EIF4A2: variants seen among roughly 807,000 people sequenced by gnomAD.
The protein encoded by EIF4A2 is eukaryotic initiation factor 4A-II.
Under a neutral mutation model 50.6 loss-of-function variants are expected in EIF4A2, and 9 were observed. The ratio of observed to expected loss-of-function variants is 0.18; its 90% CI spans 0.11 to 0.31. The LOEUF (loss-of-function observed/expected upper bound fraction) is 0.31, where lower values mean the gene tolerates loss of function less well. Ranked by LOEUF, EIF4A2 falls within the 10% of genes least tolerant of loss-of-function variation. The probability of loss-of-function intolerance (pLI) is 1.00; values close to 1 mark genes in which losing one functional copy is unlikely to be tolerated. For synonymous variants in EIF4A2, 215 were observed against 164.4 expected, an observed-to-expected ratio of 1.31 and a Z score of -2.35; for missense variants, 182 against 501.8, an observed-to-expected ratio of 0.36 and a Z score of 6.09.
chr3:186,784,517 A>T (rs1553797637), intron 2 of EIF4A2, 40 bp downstream of exon 2: 1 of 1,614,026 alleles, frequency 6.2e-7, no homozygotes, highest in Non-Finnish European at 8.5e-7. Context: ...TGGAAAGGTG[A>T]GTGTGTTCAT....
At chr3:186,787,368 T>A in intron 8 of EIF4A2, 104 bp downstream of exon 8, 1 of 1,611,202 alleles carries the variant, frequency 6.2e-7, no homozygotes, top group East Asian at 2.2e-5. Flanking sequence ...AAAATAAAGT[T>A]GTTTCTTAAC....
intron 1 of EIF4A2, chr3:186,783,965 A>C (rs1444601327): frequency 2.3e-6 from 1 of 442,310 alleles, no homozygotes; most frequent in Non-Finnish European, 4.1e-6. Context: ...TGTAACCAGG[A>C]CCCGAAGCTT....
chr3:186,784,126 C>G (rs920515651), intron 1 of EIF4A2: 2 of 508,620 alleles, frequency 3.9e-6, no homozygotes, highest in East Asian at 3.5e-5. Context: ...CCAGGCCGCT[C>G]CGCCCGCGTC....
Position 186,789,093 on chromosome 3 carries a change from G to GA in EIF4A2, c.1080-30dup, listed in dbSNP as rs780357426. The GA allele has an allele frequency of 1.1e-5, 18 of 1,606,256 alleles. No individual in the cohort carries two copies. In the Admixed American group the frequency reaches 2.2e-4, roughly 20 times the overall value. On this transcript the variant is annotated intron_variant, in intron 10 of 10. Transcript: ENST00000323963. The stretch of plus-strand genomic sequence containing the variant: ...GTTCAGTAGTTTATACATTATGTGA[G>GA]AAGTAACGTTCTGATTCTTTTTCTT...
intron 10 of EIF4A2, chr3:186,788,847 C>T (rs959573745): frequency 5.8e-6 from 2 of 346,722 alleles, no homozygotes; most frequent in Admixed American, 9.3e-5. Flanking sequence ...TTTAATTTCA[C>T]TACCCCAAAC....
In EIF4A2 at chr3:186,784,667, A is replaced by G; in HGVS notation, c.179A>G (p.Gln60Arg). 6.2e-7 allele frequency: 1 copy of G among 1,614,242 alleles called. No homozygotes were observed. The highest frequency in any genetic ancestry group is 8.5e-7 in the Non-Finnish European group (1 of 1,180,038). Residue 60 changes from glutamine to arginine, a missense_variant, in exon 3 of 11, where the codon CAG becomes CGG. Coordinates refer to ENST00000323963, the MANE Select transcript of EIF4A2 (RefSeq NM_001967.4). ...GGTTTTGAGAAGCCTTCCGCTATTCAGCAGAGAGCTATTATTCCCTGTATT... is the reference window on the plus strand; with the variant it reads ...GGTTTTGAGAAGCCTTCCGCTATTCGGCAGAGAGCTATTATTCCCTGTATT... ...AYGFEKPSAI[Q>R]QRAIIPCIKG...
rs1328369619 is a variant in EIF4A2, at chr3:186,789,687, C to CT, written c.*421dup. The CT allele has an allele frequency of 5.4e-6, 2 of 372,488 alleles. No homozygotes were observed. The highest frequency in any genetic ancestry group is 9.7e-6 in the Non-Finnish European group (2 of 206,476). The allele number at this position is 372,488 out of a possible 1,614,324, so 23.1% of individuals were successfully genotyped here. On this transcript the variant is annotated 3_prime_UTR_variant, in exon 11 of 11. Coordinates refer to ENST00000323963, the MANE Select transcript of EIF4A2 (RefSeq NM_001967.4). ...TTGTCATTAGCCTGAGTAGAAAGGCCTTTAAAATTTTTTTAGAAAGCATTT... is the reference window on the plus strand; with the variant it reads ...TTGTCATTAGCCTGAGTAGAAAGGCCTTTTAAAATTTTTTTAGAAAGCATTT...
Position 186,789,384 on chromosome 3 carries a change from G to T in EIF4A2, c.*115G>T, listed in dbSNP as rs1721989131. ...GAATCTTGTCTCAATGCTCATAACG[G>T]ATCAGAAATACAGATTTTGATAGCA... On this transcript the variant is annotated 3_prime_UTR_variant, in exon 11 of 11. Transcript: ENST00000323963. The T allele has an allele frequency of 7.1e-7, 1 of 1,403,096 alleles. No individual in the cohort carries two copies. Among genetic ancestry groups the T allele is most frequent in the Admixed American group, 2.6e-5 (1 of 39,158 alleles). The allele number at this position is 1,403,096 out of a possible 1,614,324, so 86.9% of individuals were successfully genotyped here.
intron 4 of EIF4A2, 130 bp from the exon 5 acceptor site, chr3:186,785,753 C>A: frequency 2.5e-6 from 3 of 1,188,172 alleles, no homozygotes; most frequent in Non-Finnish European, 2.3e-6. Flanking sequence ...GCATTTTAAG[C>A]TTGGAAGTAG....
chr3:186,787,438 T>G (rs374659751), intron 8 of EIF4A2, 57 bp from the exon 9 acceptor site: 177 of 1,611,290 alleles, frequency 1.1e-4, no homozygotes, highest in Non-Finnish European at 1.5e-4. Flanking sequence ...ACATGTTGAT[T>G]AAAATTAAAT....
intron 1 of EIF4A2, 143 bp downstream of exon 1, chr3:186,783,782 T>C: frequency 7.5e-7 from 1 of 1,337,538 alleles, no homozygotes; most frequent in Non-Finnish European, 1.1e-6. Context: ...TCCAGAAGCT[T>C]CCATGATGGG....
chr3:186,789,750 GTATTTAATT>G lies in EIF4A2; in HGVS notation c.*482_*490del, dbSNP rs1722005164. On this transcript the variant is annotated 3_prime_UTR_variant, in exon 11 of 11. Transcript: ENST00000323963. ...TTTGGTATTGTATTTATTCAATAAA[GTATTTAATT>G]AGTGCTAAGTGTGAACTGGACCCTG... 2 of 479,756 alleles carry G rather than the reference GTATTTAATT, an allele frequency of 4.2e-6. No homozygotes were observed. The highest frequency in any genetic ancestry group is 6.3e-5 in the South Asian group (2 of 31,500). The allele number at this position is 479,756 out of a possible 1,614,324, so 29.7% of individuals were successfully genotyped here. A position where few individuals can be genotyped will look rare whatever the true frequency, so the allele number is the denominator to read the frequency against.
chr3:186,784,351 C>T, intron 1 of EIF4A2, 81 bp from the exon 2 acceptor site: 2 of 1,600,580 alleles, frequency 1.2e-6, no homozygotes, highest in Non-Finnish European at 1.7e-6. Context: ...CGTGCTGAGA[C>T]GGGTTGCAAA....
At position 186,784,701 on chromosome 3, in the gene EIF4A2, AAG is replaced by A. The variant is rs781428901; in HGVS notation, c.208+7_208+8del. ...CTATTATTCCCTGTATTAAAGGTAA[AAG>A]AAACTGGCATTTTTAGGAAATTGTT... On this transcript the variant is annotated splice_donor_region_variant and intron_variant, in intron 3 of 10. Transcript: ENST00000323963. The A allele has an allele frequency of 1.9e-5, 30 of 1,612,776 alleles. No homozygotes were observed. In the South Asian group the frequency reaches 3.0e-4, roughly 16 times the overall value.
At position 186,784,221 on chromosome 3, in the gene EIF4A2, A is replaced by G. The variant is rs912262200; in HGVS notation, c.30-211A>G. On this transcript the variant is annotated intron_variant, in intron 1 of 10. Coordinates refer to ENST00000323963, the MANE Select transcript of EIF4A2 (RefSeq NM_001967.4). ...GCTCCGCAGTTGAAACGGGATCGCCATGCGCTCGGGCCTGGGGGGCTGCCT... is the reference window on the plus strand; with the variant it reads ...GCTCCGCAGTTGAAACGGGATCGCCGTGCGCTCGGGCCTGGGGGGCTGCCT... The G allele has an allele frequency of 3.4e-5, 22 of 656,236 alleles. 1 individual carries two copies. Among genetic ancestry groups the G allele is most frequent in the South Asian group, 3.0e-4 (15 of 49,764 alleles). The allele number at this position is 656,236 out of a possible 1,614,324, so 40.7% of individuals were successfully genotyped here. A position where few individuals can be genotyped will look rare whatever the true frequency, so the allele number is the denominator to read the frequency against.
chr3:186,784,408 T>C, intron 1 of EIF4A2, 24 bp from the exon 2 acceptor site: 1 of 1,614,210 alleles, frequency 6.2e-7, no homozygotes, highest in East Asian at 2.2e-5. Context: ...AAGGGGTGTC[T>C]GACTGCAGTA....
chr3:186,787,283 T>C lies in EIF4A2; in HGVS notation c.909+19T>C, dbSNP rs377417923. The C allele has an allele frequency of 5.8e-5, 93 of 1,614,064 alleles. No individual in the cohort carries two copies. The African/African-American group carries it at 8.9e-4, about 15-fold the overall frequency. Reference sequence around the variant, plus strand: ...TGCTCTGGTAAGAGGTGTTCTAAAATGTCTGGATTTCCACTAAAGCAGGAT... The same window carrying C: ...TGCTCTGGTAAGAGGTGTTCTAAAACGTCTGGATTTCCACTAAAGCAGGAT... On this transcript the variant is annotated intron_variant, in intron 8 of 10. Transcript: ENST00000323963.
chr3:186,783,858 C>T (rs1287946610), intron 1 of EIF4A2: 9 of 666,826 alleles, frequency 1.3e-5, no homozygotes, highest in South Asian at 2.0e-5. Flanking sequence ...CGTTTTTCCT[C>T]TCTAAGACAT....
At chr3:186,786,776 C>G (rs1329059214) in intron 7 of EIF4A2, 131 bp downstream of exon 7, 3 of 1,273,926 alleles carry the variant, frequency 2.4e-6, no homozygotes, top group Non-Finnish European at 3.4e-6. Context: ...AAAGTAACAG[C>G]ACTAGATTGT....
Sources: gnomAD v4.1 joint callset for allele counts on GRCh38, gnomAD v4.1.1 for gene constraint, MANE v1.5 for transcripts, NCBI Gene and HGNC (gene_info 2026-07-23, HGNC 2026-07-21) for gene names.